Variants in KCNG2 observed in about 807,000 individuals in gnomAD.
The protein encoded by KCNG2 is voltage-gated potassium channel regulatory subunit KCNG2.
Under a neutral mutation model 12.3 loss-of-function variants are expected in KCNG2, and 7 were observed. The observed-to-expected ratio is 0.57, with a 90% CI of 0.32 to 1.07. The LOEUF (loss-of-function observed/expected upper bound fraction) is 1.07, where lower values mean the gene tolerates loss of function less well. Among genes scored for constraint, KCNG2 ranks in the 50% least tolerant of loss-of-function variants. The pLI is 0.04. For synonymous variants in KCNG2, 414 were observed against 351.4 expected, an observed-to-expected ratio of 1.18 and a Z score of -1.99; for missense variants, 703 against 726.0, an observed-to-expected ratio of 0.97 and a Z score of 0.36.
chr18:79,868,902 C>T (rs867180051), intron 3 of KCNG2, among the ~76,000 whole-genome samples: 6 of 152,340 alleles, frequency 3.9e-5, no homozygotes, highest in Middle Eastern at 3.4e-3. Context: ...CGCTTCAGTG[C>T]TGTTTGTCAG....
At chr18:79,817,320 C>T (rs923365510) in intron 1 of KCNG2, among the ~76,000 whole-genome samples, 25 of 150,666 alleles carry the variant, frequency 1.7e-4, no homozygotes, top group Non-Finnish European at 3.3e-4. Flanking sequence ...GCCACATGGC[C>T]GCCACTCACA....
At chr18:79,828,467 CTG>C (rs918072673) in intron 1 of KCNG2, among the ~76,000 whole-genome samples, 76 of 149,880 alleles carry the variant, frequency 5.1e-4, no homozygotes, top group Middle Eastern at 7.4e-3. Context: ...AAATGTGTGT[CTG>C]TGTGTGCATG....
At chr18:79,899,010 C>G (rs1981083598) in intron 3 of KCNG2, 30 bp from the exon 4 acceptor site, 1 of 1,480,792 alleles carries the variant, frequency 6.8e-7, no homozygotes, top group South Asian at 1.3e-5. Flanking sequence ...GAGGCCTGCG[C>G]CCCCAACCCC....
chr18:79,898,423 C>T (rs765661896), intron 3 of KCNG2, among the ~76,000 whole-genome samples: 6 of 152,214 alleles, frequency 3.9e-5, no homozygotes, highest in Admixed American at 6.5e-5. Flanking sequence ...CTCCCACCCA[C>T]GAGAGTGGGG....
At chr18:79,838,475 A>G (rs1162202119) in intron 1 of KCNG2, among the ~76,000 whole-genome samples, 1 of 151,810 alleles carries the variant, frequency 6.6e-6, no homozygotes, top group Non-Finnish European at 1.5e-5. Context: ...CAGTGATGCA[A>G]TCATGGCTCA....
At chr18:79,814,934 A>T (rs1336152996) in intron 1 of KCNG2, among the ~76,000 whole-genome samples, 2 of 151,676 alleles carry the variant, frequency 1.3e-5, no homozygotes, top group African/African-American at 4.8e-5. Context: ...TACGATGAAA[A>T]TACATTTATG....
chr18:79,898,229 A>G (rs1432873164), intron 3 of KCNG2, among the ~76,000 whole-genome samples: 1 of 152,176 alleles, frequency 6.6e-6, no homozygotes, highest in East Asian at 1.9e-4. Context: ...CCAGGCAGGA[A>G]TCTCTGAGCC....
intron 3 of KCNG2, among the ~76,000 whole-genome samples, chr18:79,874,664 G>A (rs1167115523): frequency 1.3e-5 from 2 of 152,220 alleles, no homozygotes; most frequent in African/African-American, 4.8e-5. Context: ...CTGAGGCTGG[G>A]TTTGGGCTTG....
rs540427613 is a variant in KCNG2 at position 79,868,099 on chromosome 18, C to T, written c.624+3808C>T. Among the ~76,000 whole-genome samples, 12 of 152,290 alleles carry T rather than the reference C, an allele frequency of 7.9e-5. No homozygotes were observed. The South Asian group carries it at 2.3e-3, about 29-fold the overall frequency. ...GTTTGGCTGTCCTCGGTCGAATATC[C>T]AGGAGGGAAAATTCATTTGTGTCAC... On this transcript the variant is annotated intron_variant, in intron 3 of 3. Coordinates refer to ENST00000316249, the MANE Select transcript of KCNG2 (RefSeq NM_012283.2).
At chr18:79,842,717 T>C (rs184736516) in intron 1 of KCNG2, among the ~76,000 whole-genome samples, 12 of 152,322 alleles carry the variant, frequency 7.9e-5, no homozygotes, top group African/African-American at 2.6e-4. Context: ...GCACGCATGA[T>C]TGAATTGAAA....
rs774818065 is a variant in KCNG2, at chr18:79,863,993, G to T, written c.326G>T (p.Gly109Val). The T allele has an allele frequency of 9.9e-6, 12 of 1,211,676 alleles. No homozygotes were observed. Among genetic ancestry groups the T allele is most frequent in the Non-Finnish European group, 1.2e-5 (12 of 970,214 alleles). The allele number at this position is 1,211,676 out of a possible 1,614,324, so 75.1% of individuals were successfully genotyped here. Residue 109 changes from glycine to valine, a missense_variant, in exon 3 of 4, where the codon GGC (glycine) becomes GTC (valine). By Grantham distance (109) the Gly-to-Val change is moderately radical (BLOSUM62 -3). Transcript: ENST00000316249. ...LAFRDELAYW[G>V]IDEARLERCC... ...TTCCGCGACGAGCTGGCCTACTGGG[G>T]CATCGACGAGGCGCGCCTGGAGCGC...
intron 3 of KCNG2, among the ~76,000 whole-genome samples, chr18:79,892,110 G>C (rs1056305616): frequency 1.8e-5 from 2 of 112,246 alleles, no homozygotes; most frequent in African/African-American, 5.5e-5. Flanking sequence ...GCAAGACTCC[G>C]TCTAAAAAAA....
rs1980229708 is a variant in KCNG2 at position 79,879,933 on chromosome 18, T to G, written c.624+15642T>G. ...GTAGGCGGGTGGCACTAAGCAGTTC[T>G]GGAATGAAACCATAAAACTTCAGGA... On this transcript the variant is annotated intron_variant, in intron 3 of 3. Transcript: ENST00000316249. Among the ~76,000 whole-genome samples the G allele has an allele frequency of 2.6e-5, 4 of 152,180 alleles. No individual in the cohort carries two copies. The South Asian group carries it at 8.3e-4, about 32-fold the overall frequency.
In KCNG2 at chr18:79,899,685, AGCCCCGAGCCG is replaced by A. The variant is rs1568277194; in HGVS notation, c.1275_1285del (p.Glu426AlafsTer84). The A allele has an allele frequency of 6.2e-7, 1 of 1,607,662 alleles. No homozygotes were observed. Among genetic ancestry groups the A allele is most frequent in the South Asian group, 1.1e-5 (1 of 89,974 alleles). The stretch of plus-strand genomic sequence containing the variant: ...CAAGGAGCAGCAGCAGCGCGCGGCC[AGCCCCGAGCCG>A]GCCCTGCAGGAGGACAGCACGCACT... On this transcript the variant is annotated frameshift_variant, in exon 4 of 4. Coordinates refer to ENST00000316249, the MANE Select transcript of KCNG2 (RefSeq NM_012283.2). LOFTEE classifies it low-confidence loss of function (END_TRUNC).
intron 3 of KCNG2, among the ~76,000 whole-genome samples, chr18:79,883,539 G>C (rs941072910): frequency 6.6e-6 from 1 of 152,204 alleles, no homozygotes; most frequent in East Asian, 1.9e-4. Context: ...ACCCTGCCCC[G>C]CCTGGACCAC....
chr18:79,894,689 T>C (rs1242157689), intron 3 of KCNG2, among the ~76,000 whole-genome samples: 4 of 151,458 alleles, frequency 2.6e-5, no homozygotes. Context: ...ACGATTGATA[T>C]AGTGGGGTCT....
chr18:79,845,364 G>A (rs1004412127), intron 1 of KCNG2, among the ~76,000 whole-genome samples: 4 of 152,190 alleles, frequency 2.6e-5, no homozygotes, highest in Admixed American at 6.5e-5. Context: ...TCGGCGTCCC[G>A]GTGGAGAAGG....
At chr18:79,861,386 T>A (rs1599401134) in intron 2 of KCNG2, among the ~76,000 whole-genome samples, 1 of 148,648 alleles carries the variant, frequency 6.7e-6, no homozygotes, top group Non-Finnish European at 1.5e-5. Flanking sequence ...CAGGCAATTC[T>A]CCCTGCCTCA....
chr18:79,833,723 A>T (rs1004642216), intron 1 of KCNG2, among the ~76,000 whole-genome samples: 3 of 152,240 alleles, frequency 2.0e-5, no homozygotes, highest in African/African-American at 7.2e-5. Flanking sequence ...ACAAATGAAC[A>T]TCAGTAATTA....
Sources: allele counts gnomAD v4.1 joint callset (sites outside exome capture counted in the v4.1 genomes callset), GRCh38; gene constraint gnomAD v4.1.1; transcripts MANE v1.5; gene names NCBI Gene and HGNC (gene_info 2026-07-23, HGNC 2026-07-21).